Variants in FAF1 observed in about 807,000 individuals in gnomAD.
FAF1 encodes the protein Fas associated factor 1.
Under a neutral mutation model 92.5 loss-of-function variants are expected in FAF1, and 25 were observed. The ratio of observed to expected loss-of-function variants is 0.27; its 90% confidence interval spans 0.20 to 0.38. FAF1 has a LOEUF of 0.38. FAF1 is among the 10% of genes least tolerant of loss of function. FAF1 has a pLI of 1.00. For missense variants in FAF1, 636 were observed against 793.3 expected (o/e 0.80, Z 2.38); for synonymous variants, 234 against 273.2 (o/e 0.86, Z 1.42).
chr1:50,543,622 A>AT (rs1444230039), intron 13 of FAF1, among the ~76,000 whole-genome samples: 1 of 152,210 alleles, frequency 6.6e-6, no homozygotes, highest in Non-Finnish European at 1.5e-5. Context: ...GCATAATAAT[A>AT]TTTAACACTT....
chr1:50,787,959 A>G (rs1386872903), intron 4 of FAF1, 41 bp downstream of exon 4: 1 of 1,516,652 alleles, frequency 6.6e-7, no homozygotes, highest in African/African-American at 1.4e-5. Context: ...TGTTTACCTA[A>G]TTATTTATTT....
chr1:50,713,345 T>C (rs1658027680), intron 6 of FAF1, among the ~76,000 whole-genome samples: 1 of 151,634 alleles, frequency 6.6e-6, no homozygotes, highest in East Asian at 2.0e-4. Context: ...ACGATCTAGG[T>C]TCACTGCAAC....
intron 2 of FAF1, among the ~76,000 whole-genome samples, chr1:50,806,844 T>C (rs1322196764): frequency 6.6e-6 from 1 of 152,082 alleles, no homozygotes; most frequent in Non-Finnish European, 1.5e-5. Flanking sequence ...AACCTCCAAA[T>C]GCATCAAAGA....
intron 8 of FAF1, among the ~76,000 whole-genome samples, chr1:50,608,115 T>C (rs1652510762): frequency 6.6e-6 from 1 of 152,236 alleles, no homozygotes; most frequent in Admixed American, 6.5e-5. Context: ...TACCTGCTTT[T>C]AATTACATGC....
At position 50,788,139 on chromosome 1, in the gene FAF1, A is replaced by G. The variant is rs544925874; in HGVS notation, c.228T>C (p.Pro76=). The G allele has an allele frequency of 1.9e-6, 3 of 1,614,174 alleles. No homozygotes were observed. The highest frequency in any genetic ancestry group is 2.5e-6 in the Non-Finnish European group (3 of 1,180,004). The change falls in exon 4 of 19, where the codon CCT becomes CCC. Residue 76 remains proline (P), a synonymous_variant. Coordinates refer to ENST00000396153, the MANE Select transcript of FAF1 (RefSeq NM_007051.3). The part of the protein sequence containing the change: ...FNPASHPASA[P]TSSSSSAFRP... ...GAAACGCTGAAGAAGAAGAGGAAGT[A>G]GGAGCTGAAGCTGGATGACTTGCTG...
At chr1:50,502,573 A>G (rs1439537091) in intron 15 of FAF1, among the ~76,000 whole-genome samples, 1 of 152,194 alleles carries the variant, frequency 6.6e-6, no homozygotes, top group Non-Finnish European at 1.5e-5. Context: ...CAGTTGACTC[A>G]CAAGTATAAA....
At chr1:50,951,339 C>G (rs1396382037) in intron 1 of FAF1, among the ~76,000 whole-genome samples, 1 of 152,236 alleles carries the variant, frequency 6.6e-6, no homozygotes, top group African/African-American at 2.4e-5. Context: ...TGGTAAGCTT[C>G]AAATAGATGA....
At chr1:50,650,581 C>A (rs1486472739) in intron 8 of FAF1, among the ~76,000 whole-genome samples, 1 of 151,978 alleles carries the variant, frequency 6.6e-6, no homozygotes, top group South Asian at 2.1e-4. Flanking sequence ...GATCTCACCA[C>A]CGCACTCCAC....
At chr1:50,519,228 G>A (rs1444749972) in intron 15 of FAF1, among the ~76,000 whole-genome samples, 1 of 152,008 alleles carries the variant, frequency 6.6e-6, no homozygotes, top group Admixed American at 6.6e-5. Flanking sequence ...TACTTGGGGG[G>A]CTGAGGCAGG....
chr1:50,458,590 AC>A, intron 18 of FAF1, among the ~76,000 whole-genome samples: 1 of 152,282 alleles, frequency 6.6e-6, no homozygotes, highest in South Asian at 2.1e-4. Context: ...GGCTGTAATA[AC>A]CTCAAACACA....
intron 8 of FAF1, among the ~76,000 whole-genome samples, chr1:50,632,478 T>G (rs192758574): frequency 6.6e-6 from 1 of 152,204 alleles, no homozygotes; most frequent in African/African-American, 2.4e-5. Context: ...CTATTAGAAA[T>G]TGGGAACACA....
At chr1:50,869,588 A>G (rs957474199) in intron 1 of FAF1, among the ~76,000 whole-genome samples, 4 of 152,192 alleles carry the variant, frequency 2.6e-5, no homozygotes, top group African/African-American at 9.6e-5. Flanking sequence ...CCTACTTGCC[A>G]TGGAGGTGCA....
chr1:50,943,822 T>C (rs1348523107), intron 1 of FAF1, among the ~76,000 whole-genome samples: 3 of 152,346 alleles, frequency 2.0e-5, no homozygotes, highest in Non-Finnish European at 1.5e-5. Context: ...GATAAGCTAA[T>C]ACCTGGGTTA....
intron 8 of FAF1, among the ~76,000 whole-genome samples, chr1:50,610,624 T>C (rs1652642595): frequency 6.6e-6 from 1 of 152,210 alleles, no homozygotes; most frequent in South Asian, 2.1e-4. Context: ...TCAGTGCTTA[T>C]TTTATCTCCC....
intron 7 of FAF1, among the ~76,000 whole-genome samples, chr1:50,676,027 G>A (rs1043774297): frequency 2.0e-5 from 3 of 152,168 alleles, no homozygotes; most frequent in African/African-American, 7.2e-5. Flanking sequence ...TCAAAAATCA[G>A]TGGGTCTTTT....
intron 15 of FAF1, among the ~76,000 whole-genome samples, chr1:50,529,249 G>A (rs549938839): frequency 1.3e-5 from 2 of 152,068 alleles, no homozygotes; most frequent in Admixed American, 6.6e-5. Context: ...ATCCATTTTG[G>A]GAAGCTAAGA....
intron 2 of FAF1, among the ~76,000 whole-genome samples, chr1:50,829,094 TA>T (rs1198156521): frequency 6.6e-6 from 1 of 151,902 alleles, no homozygotes; most frequent in Non-Finnish European, 1.5e-5. Context: ...AATAATGGAT[TA>T]AAAGCTAAAA....
chr1:50,637,198 G>A (rs1294136669), intron 8 of FAF1, among the ~76,000 whole-genome samples: 1 of 150,732 alleles, frequency 6.6e-6, no homozygotes, highest in Non-Finnish European at 1.5e-5. Flanking sequence ...CACCTTGGGA[G>A]GCCAAGGCAG....
intron 14 of FAF1, among the ~76,000 whole-genome samples, chr1:50,535,837 C>A (rs1648451518): frequency 6.6e-6 from 1 of 152,158 alleles, no homozygotes; most frequent in African/African-American, 2.4e-5. Flanking sequence ...AGGCTAAGCA[C>A]TTTTATACCA....
Sources: gnomAD v4.1 joint callset for allele counts (sites outside exome capture counted in the v4.1 genomes callset) on GRCh38, gnomAD v4.1.1 for gene constraint, MANE v1.5 for transcripts, NCBI Gene and HGNC (gene_info 2026-07-23, HGNC 2026-07-21) for gene names.